The following JAKMIP1 variants were observed in gnomAD, a reference collection of about 807,000 sequenced individuals.
The protein encoded by JAKMIP1 is janus kinase and microtubule interacting protein 1.
JAKMIP1 carries 33 observed loss-of-function variants against 113.0 expected under a neutral mutation model. That is an observed-to-expected ratio of 0.29 (90% CI 0.22 to 0.39). JAKMIP1 has a LOEUF of 0.39. Among genes scored for constraint, JAKMIP1 ranks in the 10% least tolerant of loss-of-function variants. The pLI is 1.00. For missense variants in JAKMIP1, 813 were observed against 1,080.5 expected (o/e 0.75, Z 3.47); for synonymous variants, 480 against 459.9 (o/e 1.04, Z -0.56).
rs1360167241 is a variant in JAKMIP1, at chr4:6,192,067, G to A, written c.-148+8186C>T. Among the ~76,000 whole-genome samples, 1 of 151,902 alleles carries A rather than the reference G, an allele frequency of 6.6e-6. No individual in the cohort carries two copies. Among genetic ancestry groups the A allele is most frequent in the South Asian group, 2.1e-4 (1 of 4,792 alleles). ...CCTGCCTCAGCCTCCCGAGTAGTTG[G>A]GATTACAGGCGTGTGCCACCATGCC... On this transcript the variant is annotated intron_variant, in intron 1 of 20. Transcript: ENST00000409021. This position sits in a 1 kb window ranked among gnomAD's most constrained non-coding sequence, Gnocchi z 5.0.
In JAKMIP1 at chr4:6,065,350, G is replaced by A. The variant is rs1268819848; in HGVS notation, c.1303-342C>T. Among the ~76,000 whole-genome samples, 2 of 152,226 alleles carry A rather than the reference G, an allele frequency of 1.3e-5. No individual in the cohort carries two copies. Among genetic ancestry groups the A allele is most frequent in the Admixed American group, 6.5e-5 (1 of 15,288 alleles). ...AGCCACCTCACCTGTGAGCACAAAA[G>A]GGGGCCATGCATGCCCTGTGCCCAG... On this transcript the variant is annotated intron_variant, in intron 8 of 20. Transcript: ENST00000409021. This position sits in a 1 kb window ranked among gnomAD's most constrained non-coding sequence, Gnocchi z 5.1.
At chr4:6,085,242 G>A (rs1424760142) in intron 4 of JAKMIP1, among the ~76,000 whole-genome samples, 178 bp downstream of exon 4, 3 of 152,064 alleles carry the variant, frequency 2.0e-5, no homozygotes, top group Non-Finnish European at 4.4e-5. Context: ...AGGCCGCCAC[G>A]CACCGGCACC....
intron 1 of JAKMIP1, among the ~76,000 whole-genome samples, chr4:6,131,046 C>T (rs1217437062): frequency 6.6e-6 from 1 of 151,382 alleles, no homozygotes; most frequent in East Asian, 1.9e-4. Context: ...TGGGGATATA[C>T]ACCTCCCACC....
intron 3 of JAKMIP1, among the ~76,000 whole-genome samples, chr4:6,098,667 AGAG>A (rs1712369806): frequency 2.2e-4 from 22 of 102,182 alleles, no homozygotes; most frequent in African/African-American, 5.7e-4. Flanking sequence ...AGGAAGAAAG[AGAG>A]AGAAAGAAAG....
In JAKMIP1 at chr4:6,179,472, C is replaced by T. The variant is rs1725773158; in HGVS notation, c.-148+20781G>A. ...ATCCACCACCACCTCCTTCCTCTAC[C>T]TTCCTGACACCCCCTACAGGCACCG... On this transcript the variant is annotated intron_variant, in intron 1 of 20. Coordinates refer to ENST00000409021, the MANE Select transcript of JAKMIP1 (RefSeq NM_001099433.2). The surrounding 1 kb of genome is among the most constrained non-coding windows in gnomAD (Gnocchi z 4.5). Among the ~76,000 whole-genome samples, 1 of 152,218 alleles carries T rather than the reference C, an allele frequency of 6.6e-6. No individual in the cohort carries two copies. Among genetic ancestry groups the T allele is most frequent in the Non-Finnish European group, 1.5e-5 (1 of 68,030 alleles).
At chr4:6,149,567 A>G (rs1721307652) in intron 1 of JAKMIP1, among the ~76,000 whole-genome samples, 1 of 152,256 alleles carries the variant, frequency 6.6e-6, no homozygotes, top group Admixed American at 6.5e-5. Flanking sequence ...TGGTCAAGAT[A>G]GAAAGGATGT....
At chr4:6,033,713 T>A (rs73071578) in intron 19 of JAKMIP1, among the ~76,000 whole-genome samples, 14,322 of 152,190 alleles carry the variant, frequency 0.094, 922 homozygotes, top group African/African-American at 0.18. Flanking sequence ...TTTCCATATA[T>A]AAACTTTAAA....
chr4:6,149,652 G>A (rs1004270461), intron 1 of JAKMIP1, among the ~76,000 whole-genome samples: 46 of 148,590 alleles, frequency 3.1e-4, no homozygotes, highest in Non-Finnish European at 6.4e-4. Flanking sequence ...ATTTATATTG[G>A]CTCATAAAGT....
chr4:6,160,948 CCCCTGACCTCCACTCACCT>C (rs1447028684), intron 1 of JAKMIP1, among the ~76,000 whole-genome samples: 134 of 142,922 alleles, frequency 9.4e-4, no homozygotes, highest in East Asian at 4.4e-3. Flanking sequence ...CCACTTATCT[CCCCTGACCTCCACTCACCT>C]CCCTGACCTC....
At position 6,031,259 on chromosome 4, in the gene JAKMIP1, G is replaced by A. The variant is rs1445920944; in HGVS notation, c.2380-1478C>T. On this transcript the variant is annotated intron_variant, in intron 19 of 20. Transcript: ENST00000409021. This position sits in a 1 kb window ranked among gnomAD's most constrained non-coding sequence, Gnocchi z 4.4. ...ACCAGCCTGACCAACATGGTGAAAT[G>A]TCTCTACTAAAAATACAAAAATGAG... Among the ~76,000 whole-genome samples, 1 of 152,084 alleles carries A rather than the reference G, an allele frequency of 6.6e-6. No individual in the cohort carries two copies. Among genetic ancestry groups the A allele is most frequent in the African/African-American group, 2.4e-5 (1 of 41,422 alleles).
rs1217965042 is a variant in JAKMIP1 at position 6,135,132 on chromosome 4, A to G, written c.-147-22135T>C. The stretch of plus-strand genomic sequence containing the variant: ...CTCTCCCATTCTCAAGCCATGGTAT[A>G]TGGGCTGACTCGTGTCCCTCCAAAA... On this transcript the variant is annotated intron_variant, in intron 1 of 20. Transcript: ENST00000409021. This position sits in a 1 kb window ranked among gnomAD's most constrained non-coding sequence, Gnocchi z 4.9. 6.6e-6 allele frequency among the ~76,000 whole-genome samples: 1 copy of G among 152,094 alleles called. No individual in the cohort carries two copies. Among genetic ancestry groups the G allele is most frequent in the Non-Finnish European group, 1.5e-5 (1 of 68,022 alleles).
In JAKMIP1 at chr4:6,153,250, C is replaced by T. The variant is rs957262559; in HGVS notation, c.-147-40253G>A. ...ATTCCTACTCAGAGGCCCCAACGTCCCTGCCTCTCAGCCTCAGCTCCAGGG... is the reference window on the plus strand; with the variant it reads ...ATTCCTACTCAGAGGCCCCAACGTCTCTGCCTCTCAGCCTCAGCTCCAGGG... On this transcript the variant is annotated intron_variant, in intron 1 of 20. Transcript: ENST00000409021. This position sits in a 1 kb window ranked among gnomAD's most constrained non-coding sequence, Gnocchi z 4.9. Among the ~76,000 whole-genome samples the T allele has an allele frequency of 3.3e-5, 5 of 152,206 alleles. No homozygotes were observed. The highest frequency in any genetic ancestry group is 5.9e-5 in the Non-Finnish European group (4 of 68,038).
rs562014061 is a variant in JAKMIP1 at position 6,170,744 on chromosome 4, C to T, written c.-148+29509G>A. 1.6e-4 allele frequency among the ~76,000 whole-genome samples: 13 copies of T among 80,202 alleles called. 1 individual carries two copies. In the East Asian group the frequency reaches 1.9e-3, roughly 11 times the overall value. The allele number at this position is 80,202 out of a possible 152,430, so 52.6% of individuals were successfully genotyped here. A position where few individuals can be genotyped will look rare whatever the true frequency, so the allele number is the denominator to read the frequency against. On this transcript the variant is annotated intron_variant, in intron 1 of 20. Coordinates refer to ENST00000409021, the MANE Select transcript of JAKMIP1 (RefSeq NM_001099433.2). ...CCCATCCCCATCACCACCCTTGCCACCACAATCACCACCACATCCCCATCA... is the reference window on the plus strand; with the variant it reads ...CCCATCCCCATCACCACCCTTGCCATCACAATCACCACCACATCCCCATCA...
intron 12 of JAKMIP1, among the ~76,000 whole-genome samples, chr4:6,055,698 C>A (rs547354680): frequency 6.6e-6 from 1 of 151,796 alleles, no homozygotes; most frequent in African/African-American, 2.4e-5. Context: ...AGGTCAGGGA[C>A]AGCCCTCCCC....
chr4:6,158,651 T>A lies in JAKMIP1; in HGVS notation c.-148+41602A>T, dbSNP rs1445733012. 6.6e-6 allele frequency among the ~76,000 whole-genome samples: 1 copy of A among 151,004 alleles called. No individual in the cohort carries two copies. Among genetic ancestry groups the A allele is most frequent in the East Asian group, 2.0e-4 (1 of 5,102 alleles). ...CACCAGCCCCAGCTAGTAGTCATCA[T>A]TTCCACAAAGGAAGTCCATCTTTTT... On this transcript the variant is annotated intron_variant, in intron 1 of 20. Coordinates refer to ENST00000409021, the MANE Select transcript of JAKMIP1 (RefSeq NM_001099433.2). This position sits in a 1 kb window ranked among gnomAD's most constrained non-coding sequence, Gnocchi z 5.3.
chr4:6,125,957 ACG>A (rs1295458151), intron 1 of JAKMIP1, among the ~76,000 whole-genome samples: 2 of 142,842 alleles, frequency 1.4e-5, no homozygotes, highest in Non-Finnish European at 3.0e-5. Context: ...CACCATGCAC[ACG>A]CACACCATAC....
rs1717924011 is a variant in JAKMIP1 at position 6,065,405 on chromosome 4, T to C, written c.1303-397A>G. Reference sequence around the variant, plus strand: ...CAGCCCAGCACTCCGTCACGCTCCATGAGCAGCGCACTGGCTGTACCAAGG... The same window carrying C: ...CAGCCCAGCACTCCGTCACGCTCCACGAGCAGCGCACTGGCTGTACCAAGG... On this transcript the variant is annotated intron_variant, in intron 8 of 20. Coordinates refer to ENST00000409021, the MANE Select transcript of JAKMIP1 (RefSeq NM_001099433.2). This position sits in a 1 kb window ranked among gnomAD's most constrained non-coding sequence, Gnocchi z 5.1. Among the ~76,000 whole-genome samples the C allele has an allele frequency of 1.3e-5, 2 of 152,214 alleles. No homozygotes were observed. Among genetic ancestry groups the C allele is most frequent in the Non-Finnish European group, 2.9e-5 (2 of 68,048 alleles).
chr4:6,073,573 G>C (rs920920643), intron 8 of JAKMIP1, among the ~76,000 whole-genome samples: 1 of 152,192 alleles, frequency 6.6e-6, no homozygotes, highest in Non-Finnish European at 1.5e-5. Flanking sequence ...CATTTCACAG[G>C]CCCTCCAAAG....
intron 3 of JAKMIP1, among the ~76,000 whole-genome samples, chr4:6,095,482 C>T (rs906899513): frequency 6.6e-6 from 1 of 152,204 alleles, no homozygotes; most frequent in Non-Finnish European, 1.5e-5. Flanking sequence ...ACCTGCTTCC[C>T]CTCATTCTAC....
Sources: gnomAD v4.1 joint callset for allele counts (sites outside exome capture counted in the v4.1 genomes callset) on GRCh38, gnomAD v4.1.1 for gene constraint, Gnocchi (gnomAD v3.1) non-coding constraint, MANE v1.5 for transcripts, NCBI Gene and HGNC (gene_info 2026-07-23, HGNC 2026-07-21) for gene names.